PRKCZ: variants seen among roughly 807,000 people sequenced by gnomAD.
PRKCZ encodes the protein protein kinase C zeta.
In PRKCZ, 33 loss-of-function variants were observed where a neutral mutation model predicts 79.5. The observed-to-expected ratio is 0.41, with a 90% CI of 0.31 to 0.55. The LOEUF (loss-of-function observed/expected upper bound fraction) is 0.55. PRKCZ is among the 20% of genes least tolerant of loss of function. The probability of loss-of-function intolerance (pLI) is 0.19; values close to 1 mark genes in which losing one functional copy is unlikely to be tolerated. For missense variants in PRKCZ, 578 were observed against 813.5 expected (o/e 0.71, Z 3.52); for synonymous variants, 342 against 320.9 (o/e 1.07, Z -0.70).
At chr1:2,159,149 G>A (rs1156765977) in intron 10 of PRKCZ, among the ~76,000 whole-genome samples, 1 of 152,174 alleles carries the variant, frequency 6.6e-6, no homozygotes, top group Non-Finnish European at 1.5e-5. Context: ...AGGACCGGCA[G>A]CTGCCTTAGT....
intron 4 of PRKCZ, among the ~76,000 whole-genome samples, chr1:2,110,978 G>C (rs1557587515): frequency 6.6e-6 from 1 of 152,166 alleles, no homozygotes; most frequent in Non-Finnish European, 1.5e-5. Flanking sequence ...TGCGAGGCCT[G>C]CCATCCTGAG....
chr1:2,106,545 CACGTGTCACCAG>C (rs1668501057), intron 4 of PRKCZ, among the ~76,000 whole-genome samples: 1 of 25,354 alleles, frequency 3.9e-5, no homozygotes, highest in African/African-American at 1.4e-4. Flanking sequence ...AGGACCTCCA[CACGTGTCACCAG>C]GCCAGGTAAC....
chr1:2,152,857 C>A (rs1250046489), intron 9 of PRKCZ, among the ~76,000 whole-genome samples: 1 of 152,266 alleles, frequency 6.6e-6, no homozygotes, highest in Non-Finnish European at 1.5e-5. Context: ...GTTCCGTTGT[C>A]CAGTGGAGGC....
In PRKCZ at chr1:2,149,976, G is replaced by T. The variant is rs1557683164; in HGVS notation, c.688-814G>T. ...GATGGAGACCATCCTGGCTAACACG[G>T]TGAAACCCCGTCTCTACTAAAAATA... On this transcript the variant is annotated intron_variant, in intron 8 of 17. Transcript: ENST00000378567. This position sits in a 1 kb window ranked among gnomAD's most constrained non-coding sequence, Gnocchi z 4.1. Among the ~76,000 whole-genome samples, 4 of 151,212 alleles carry T rather than the reference G, an allele frequency of 2.6e-5. No homozygotes were observed. The highest frequency in any genetic ancestry group is 2.0e-4 in the Admixed American group (3 of 15,180).
intron 4 of PRKCZ, among the ~76,000 whole-genome samples, chr1:2,092,081 G>T (rs553801311): frequency 9.7e-4 from 147 of 152,316 alleles, no homozygotes; most frequent in African/African-American, 3.5e-3. Flanking sequence ...GCCGCAGAGT[G>T]AGACAGGAGG....
At chr1:2,070,107 C>T (rs1032056592) in intron 4 of PRKCZ, among the ~76,000 whole-genome samples, 4 of 152,168 alleles carry the variant, frequency 2.6e-5, no homozygotes, top group Non-Finnish European at 4.4e-5. Context: ...CCGCAGACCC[C>T]ACTTAGCAGC....
chr1:2,060,672 G>C (rs538823513), intron 4 of PRKCZ, among the ~76,000 whole-genome samples: 13 of 152,374 alleles, frequency 8.5e-5, no homozygotes, highest in Admixed American at 3.3e-4. Context: ...CGGCAAGGCC[G>C]AGGAGCCATC....
At chr1:2,153,171 T>G (rs978952292) in intron 9 of PRKCZ, among the ~76,000 whole-genome samples, 25 of 152,256 alleles carry the variant, frequency 1.6e-4, no homozygotes, top group Non-Finnish European at 2.5e-4. Context: ...TCCTGGCAGG[T>G]GTGCAGTGGT....
At chr1:2,097,871 C>T (rs992701224) in intron 4 of PRKCZ, among the ~76,000 whole-genome samples, 5 of 152,230 alleles carry the variant, frequency 3.3e-5, no homozygotes, top group African/African-American at 9.6e-5. Flanking sequence ...CGAGAGCACA[C>T]CTGAACGAGG....
chr1:2,162,165 T>C (rs911855498), intron 10 of PRKCZ, among the ~76,000 whole-genome samples: 2 of 152,202 alleles, frequency 1.3e-5, no homozygotes. Flanking sequence ...GGGGTCTTGC[T>C]CTGTCACCCA....
rs1343938876 is a variant in PRKCZ at position 2,121,616 on chromosome 1, GGTGGTGGTTAGGGTCACA to G, written c.335-13640_335-13623del. 1.8e-3 allele frequency among the ~76,000 whole-genome samples: 241 copies of G among 132,536 alleles called. 34 individuals carry two copies. The highest frequency in any genetic ancestry group is 5.7e-3 in the African/African-American group (219 of 38,258). 86.9% of individuals were successfully genotyped at this position (132,536 alleles called of 152,430 possible). ...AGGTCACAGCAGTAATTAGGGTCAT[GGTGGTGGTTAGGGTCACA>G]GTGGTAGTTAGGGTCACGGTGGTGG... On this transcript the variant is annotated intron_variant, in intron 4 of 17. Transcript: ENST00000378567.
At position 2,127,576 on chromosome 1, in the gene PRKCZ, C is replaced by A. The variant is rs920069383; in HGVS notation, c.335-7686C>A. ...TATCCAGCGCAGAAGGAATGAAGGACTTCTGTTCAGACAGCTCTGCTGGGA... is the reference window on the plus strand; with the variant it reads ...TATCCAGCGCAGAAGGAATGAAGGAATTCTGTTCAGACAGCTCTGCTGGGA... On this transcript the variant is annotated intron_variant, in intron 4 of 17. Coordinates refer to ENST00000378567, the MANE Select transcript of PRKCZ (RefSeq NM_002744.6). The surrounding 1 kb of genome is among the most constrained non-coding windows in gnomAD (Gnocchi z 5.1). Among the ~76,000 whole-genome samples the A allele has an allele frequency of 6.6e-6, 1 of 152,274 alleles. No individual in the cohort carries two copies. Among genetic ancestry groups the A allele is most frequent in the African/African-American group, 2.4e-5 (1 of 41,478 alleles).
At position 2,174,040 on chromosome 1, in the gene PRKCZ, T is replaced by A. The variant is rs1272341040; in HGVS notation, c.1405+24T>A. The A allele has an allele frequency of 1.9e-6, 3 of 1,576,496 alleles. No individual in the cohort carries two copies. The highest frequency in any genetic ancestry group is 2.6e-6 in the Non-Finnish European group (3 of 1,156,742). On this transcript the variant is annotated intron_variant, in intron 14 of 17. Coordinates refer to ENST00000378567, the MANE Select transcript of PRKCZ (RefSeq NM_002744.6). The surrounding 1 kb of genome is among the most constrained non-coding windows in gnomAD (Gnocchi z 6.2). ...AGGTGCGTGCCCCGCTGTGCGTTCG[T>A]ACCCCTCACCTGCACGACTGTCTTC...
chr1:2,175,430 A>G (rs1685275304), intron 16 of PRKCZ, 117 bp downstream of exon 16: 2 of 728,236 alleles, frequency 2.7e-6, no homozygotes, highest in South Asian at 3.6e-5. Context: ...CCCCATCCGA[A>G]CCCCAATATC....
chr1:2,081,071 C>T (rs1302416640), intron 4 of PRKCZ, among the ~76,000 whole-genome samples: 4 of 152,212 alleles, frequency 2.6e-5, no homozygotes, highest in Non-Finnish European at 5.9e-5. Context: ...CGTGCCTCTT[C>T]CCCCGTGCTG....
chr1:2,070,839 C>T (rs1488214782), intron 4 of PRKCZ, among the ~76,000 whole-genome samples: 1 of 151,978 alleles, frequency 6.6e-6, no homozygotes, highest in African/African-American at 2.4e-5. Context: ...GGGGAAGGGG[C>T]TCTTGAGGCT....
In PRKCZ at chr1:2,140,227, A is replaced by G. The variant is rs150163109; in HGVS notation, c.421-3983A>G. ...AATAAATCAGGCATCTGAGCTCGCA[A>G]TGGAAAACCACAAAACACAGTGGGA... On this transcript the variant is annotated intron_variant, in intron 5 of 17. Coordinates refer to ENST00000378567, the MANE Select transcript of PRKCZ (RefSeq NM_002744.6). Among the ~76,000 whole-genome samples the G allele has an allele frequency of 1.9e-3, 290 of 152,362 alleles. 3 individuals are homozygous for G. Among genetic ancestry groups the G allele is most frequent in the African/African-American group, 6.7e-3 (280 of 41,586 alleles).
rs1190912967 is a variant in PRKCZ at position 2,165,538 on chromosome 1, C to T, written c.975-3980C>T. ...AGACTGACGCTTACTGAGGGCCACACCAGCGGTCAGCAAAGGTTGTCTTAA... is the reference window on the plus strand; with the variant it reads ...AGACTGACGCTTACTGAGGGCCACATCAGCGGTCAGCAAAGGTTGTCTTAA... On this transcript the variant is annotated intron_variant, in intron 10 of 17. Coordinates refer to ENST00000378567, the MANE Select transcript of PRKCZ (RefSeq NM_002744.6). This position sits in a 1 kb window ranked among gnomAD's most constrained non-coding sequence, Gnocchi z 4.1. Among the ~76,000 whole-genome samples the T allele has an allele frequency of 6.6e-6, 1 of 152,228 alleles. No individual in the cohort carries two copies. Among genetic ancestry groups the T allele is most frequent in the Non-Finnish European group, 1.5e-5 (1 of 68,040 alleles).
intron 4 of PRKCZ, among the ~76,000 whole-genome samples, chr1:2,098,764 C>G (rs1666967296): frequency 1.3e-5 from 2 of 152,172 alleles, no homozygotes; most frequent in Admixed American, 6.5e-5. Flanking sequence ...TCACTGCGAG[C>G]TCCACCTCTC....
Sources: allele counts gnomAD v4.1 joint callset (sites outside exome capture counted in the v4.1 genomes callset), GRCh38; gene constraint gnomAD v4.1.1; non-coding constraint Gnocchi (gnomAD v3.1); transcripts MANE v1.5; gene names NCBI Gene and HGNC (gene_info 2026-07-23, HGNC 2026-07-21).